TYW1: variants seen among roughly 807,000 people sequenced by gnomAD.
The protein encoded by TYW1 is S-adenosyl-L-methionine-dependent tRNA 4-demethylwyosine synthase TYW1.
TYW1 carries 46 observed loss-of-function variants against 96.2 expected under a neutral mutation model. The ratio of observed to expected loss-of-function variants is 0.48; its 90% CI spans 0.38 to 0.61. TYW1 has a LOEUF of 0.61. TYW1 is among the 20% of genes least tolerant of loss of function. The pLI is 0.00. For missense variants in TYW1, 684 were observed against 909.6 expected (o/e 0.75, Z 3.19); for synonymous variants, 274 against 323.0 (o/e 0.85, Z 1.63).
chr7:67,228,990 T>A (rs1324996142), intron 15 of TYW1, among the ~76,000 whole-genome samples: 2 of 152,198 alleles, frequency 1.3e-5, no homozygotes, highest in African/African-American at 4.8e-5. Flanking sequence ...GGGAGGAGAA[T>A]GTACTTCACT....
intron 13 of TYW1, among the ~76,000 whole-genome samples, chr7:67,172,143 ATTTTTTTGCTTTCTTTTG>A (rs1335319816): frequency 1.3e-5 from 2 of 150,584 alleles, no homozygotes; most frequent in Non-Finnish European, 3.0e-5. Flanking sequence ...CTTTTTCTCT[ATTTTTTTGCTTTCTTTTG>A]TTTTTAACTA....
intron 13 of TYW1, among the ~76,000 whole-genome samples, chr7:67,177,979 G>T (rs1334350946): frequency 2.1e-5 from 3 of 140,140 alleles, no homozygotes; most frequent in Non-Finnish European, 4.6e-5. Flanking sequence ...CAAAGTGAGA[G>T]CCTGTCTCTA....
rs755994594 is a variant in TYW1 at position 67,183,179 on chromosome 7, G to A, written c.1752G>A (p.Glu584=). Residue 584 remains glutamate, a synonymous_variant, in exon 14 of 16, where the codon GAG becomes GAA. Transcript: ENST00000359626. The part of the protein sequence containing the change: ...LTLVKAWNVD[E]LQAYAQLVSL... ...TCGTGAAAGCATGGAACGTGGACGA[G>A]CTCCAGGCCTACGCGCAGCTCGTGT... is the stretch of plus-strand genomic sequence containing the variant. 21 of 1,611,976 alleles carry A rather than the reference G, an allele frequency of 1.3e-5. No homozygotes were observed. Among genetic ancestry groups the A allele is most frequent in the Admixed American group, 8.3e-5 (5 of 59,890 alleles).
At chr7:67,222,397 A>G (rs1299286332) in intron 15 of TYW1, among the ~76,000 whole-genome samples, 1 of 151,484 alleles carries the variant, frequency 6.6e-6, no homozygotes, top group Non-Finnish European at 1.5e-5. Context: ...AGATTGATGA[A>G]CTCCCTCAGC....
chr7:67,195,434 T>G, intron 15 of TYW1, 97 bp downstream of exon 15: 1 of 1,561,184 alleles, frequency 6.4e-7, no homozygotes, highest in South Asian at 1.2e-5. Context: ...TTATAGGGAT[T>G]ATCTGCTTGT....
rs1800523410 is a variant in TYW1 at position 67,199,566 on chromosome 7, T to C, written c.1977+4229T>C. 5.3e-5 allele frequency among the ~76,000 whole-genome samples: 8 copies of C among 152,336 alleles called. No individual in the cohort carries two copies. The South Asian group carries it at 1.7e-3, about 32-fold the overall frequency. ...ATTGTAAAATAGTGATTTTTGTAAG[T>C]GTACCACTCCTTCCACATTTGCCTT... On this transcript the variant is annotated intron_variant, in intron 15 of 15. Transcript: ENST00000359626.
chr7:67,065,694 G>C (rs1795834497), intron 9 of TYW1, among the ~76,000 whole-genome samples: 1 of 151,234 alleles, frequency 6.6e-6, no homozygotes, highest in Non-Finnish European at 1.5e-5. Context: ...ATGGTCAACT[G>C]ACAGTAAATA....
chr7:67,087,627 A>G (rs1410535705), intron 11 of TYW1, among the ~76,000 whole-genome samples: 1 of 152,094 alleles, frequency 6.6e-6, no homozygotes, highest in Non-Finnish European at 1.5e-5. Flanking sequence ...TTGACTTGAT[A>G]ACACGTTACC....
At chr7:67,149,015 C>T (rs1226310190) in intron 13 of TYW1, among the ~76,000 whole-genome samples, 3 of 152,164 alleles carry the variant, frequency 2.0e-5, no homozygotes, top group Non-Finnish European at 2.9e-5. Context: ...CCCCAACCCC[C>T]GGTCTTGACT....
chr7:67,024,008 A>G (rs1562970752), intron 6 of TYW1, among the ~76,000 whole-genome samples: 1 of 152,230 alleles, frequency 6.6e-6, no homozygotes, highest in South Asian at 2.1e-4. Context: ...GATACTCAGC[A>G]AATGTGTCTT....
At chr7:67,100,084 A>C (rs1476375340) in intron 12 of TYW1, among the ~76,000 whole-genome samples, 1 of 151,820 alleles carries the variant, frequency 6.6e-6, no homozygotes, top group East Asian at 1.9e-4. Context: ...AGCGGAGAAG[A>C]GGACTAGGTA....
intron 11 of TYW1, among the ~76,000 whole-genome samples, chr7:67,087,180 T>A (rs1480385788): frequency 1.3e-5 from 2 of 152,204 alleles, no homozygotes; most frequent in African/African-American, 4.8e-5. Context: ...GAATAAACCA[T>A]GAGGTAGACT....
chr7:67,042,416 A>G (rs1795057124), intron 7 of TYW1, among the ~76,000 whole-genome samples: 1 of 152,158 alleles, frequency 6.6e-6, no homozygotes. Flanking sequence ...AGTTTGAAAC[A>G]CTGGAATGTT....
At chr7:67,084,654 T>C (rs1796492555) in intron 11 of TYW1, among the ~76,000 whole-genome samples, 1 of 151,898 alleles carries the variant, frequency 6.6e-6, no homozygotes, top group Non-Finnish European at 1.5e-5. Flanking sequence ...TCCTGAGTAG[T>C]TGGGGCTACA....
intron 13 of TYW1, among the ~76,000 whole-genome samples, chr7:67,155,225 A>G (rs1273391724): frequency 1.3e-5 from 2 of 152,184 alleles, no homozygotes; most frequent in Non-Finnish European, 2.9e-5. Context: ...CTCATGTTGA[A>G]ATGTGATCCC....
At chr7:67,154,581 A>G (rs1798906488) in intron 13 of TYW1, among the ~76,000 whole-genome samples, 1 of 152,070 alleles carries the variant, frequency 6.6e-6, no homozygotes, top group Admixed American at 6.6e-5. Context: ...AGATTCCCTT[A>G]TATATGACTT....
At chr7:67,188,278 C>T (rs779394255) in intron 14 of TYW1, among the ~76,000 whole-genome samples, 1 of 152,120 alleles carries the variant, frequency 6.6e-6, no homozygotes, top group Non-Finnish European at 1.5e-5. Flanking sequence ...TGAGATCATG[C>T]CACTGTACTC....
Position 67,215,316 on chromosome 7 carries a change from C to G in TYW1, c.1977+19979C>G, listed in dbSNP as rs144109663. 1.6e-4 allele frequency among the ~76,000 whole-genome samples: 25 copies of G among 152,176 alleles called. No homozygotes were observed. The East Asian group carries it at 3.9e-3, about 23-fold the overall frequency. ...GACGCAGTCACAAGTCCCAAATTCT[C>G]AAGACAAAATTAACCTAGGTTAACT... On this transcript the variant is annotated intron_variant, in intron 15 of 15. Coordinates refer to ENST00000359626, the MANE Select transcript of TYW1 (RefSeq NM_018264.4).
rs555910852 is a variant in TYW1 at position 67,127,876 on chromosome 7, C to T, written c.1698+10258C>T. ...TCAGGGCTTAAATATTTCACCCTGC[C>T]GTCTCCTTGCTTGCATGCTTTCTGG... On this transcript the variant is annotated intron_variant, in intron 13 of 15. Coordinates refer to ENST00000359626, the MANE Select transcript of TYW1 (RefSeq NM_018264.4). Among the ~76,000 whole-genome samples, 12 of 152,116 alleles carry T rather than the reference C, an allele frequency of 7.9e-5. 1 individual carries two copies. In the East Asian group the frequency reaches 1.2e-3, roughly 15 times the overall value.
Sources: gnomAD v4.1 joint callset for allele counts (sites outside exome capture counted in the v4.1 genomes callset) on GRCh38, gnomAD v4.1.1 for gene constraint, MANE v1.5 for transcripts, NCBI Gene and HGNC (gene_info 2026-07-23, HGNC 2026-07-21) for gene names.